PDHX: variants seen among roughly 807,000 people sequenced by gnomAD.
PDHX encodes the protein pyruvate dehydrogenase complex component X, also known as pyruvate dehydrogenase protein X component, mitochondrial.
Under a neutral mutation model 55.3 loss-of-function variants are expected in PDHX, and 33 were observed. The ratio of observed to expected loss-of-function variants is 0.60; its 90% CI spans 0.45 to 0.80. The LOEUF is 0.80. Among genes scored for constraint, PDHX ranks in the 30% least tolerant of loss-of-function variants. The pLI is 0.00. For synonymous variants in PDHX, 226 were observed against 219.4 expected (o/e 1.03, Z -0.27); for missense variants, 622 against 619.9 (o/e 1.00, Z -0.04).
At chr11:34,954,872 T>TG (rs1366602096) in intron 3 of PDHX, among the ~76,000 whole-genome samples, 3 of 152,094 alleles carry the variant, frequency 2.0e-5, no homozygotes, top group Non-Finnish European at 4.4e-5. Flanking sequence ...AAAACAAGCA[T>TG]GGTGAGATAA....
At chr11:34,966,879 T>A (rs973890865) in intron 6 of PDHX, 65 bp downstream of exon 6, 7 of 1,397,570 alleles carry the variant, frequency 5.0e-6, no homozygotes, top group Non-Finnish European at 7.1e-6. Flanking sequence ...TGAGACAGAG[T>A]CTTGCACTGT....
intron 2 of PDHX, among the ~76,000 whole-genome samples, chr11:34,934,368 T>C (rs1013885740): frequency 1.3e-5 from 2 of 152,116 alleles, no homozygotes; most frequent in African/African-American, 4.8e-5. Context: ...AAAGCTAGAC[T>C]GAGGAATTCT....
In PDHX at chr11:34,957,473, CA is replaced by C; in HGVS notation, c.435del (p.Asp146ThrfsTer2). ...AAGATTGGAAACATGTTGAAATTCC[CA>C]AAGACGTAGGTCCTCCACCACCAGT... is the stretch of plus-strand genomic sequence containing the variant. ...GEDWKHVEIP[K>X]DVGPPPPVSK... On this transcript the variant is annotated frameshift_variant, in exon 4 of 11. Transcript: ENST00000227868. LOFTEE classifies it high-confidence loss of function. 1 of 1,613,778 alleles carries C rather than the reference CA, an allele frequency of 6.2e-7. No homozygotes were observed.
At chr11:34,971,160 AG>A (rs1855250030) in intron 7 of PDHX, among the ~76,000 whole-genome samples, 1 of 152,158 alleles carries the variant, frequency 6.6e-6, no homozygotes, top group Non-Finnish European at 1.5e-5. Context: ...TTTCTTGTTC[AG>A]AATGCATTTA....
chr11:34,978,537 G>T (rs1282313241), intron 8 of PDHX, among the ~76,000 whole-genome samples: 1 of 152,050 alleles, frequency 6.6e-6, no homozygotes, highest in Non-Finnish European at 1.5e-5. Flanking sequence ...AAGGATAAGG[G>T]GACAAAGTAA....
intron 7 of PDHX, among the ~76,000 whole-genome samples, chr11:34,972,763 G>A (rs1341079237): frequency 1.3e-5 from 2 of 151,974 alleles, no homozygotes; most frequent in African/African-American, 4.8e-5. Context: ...TTCTTTGATC[G>A]ATGAGTTATT....
At chr11:34,977,809 G>C in intron 7 of PDHX, 1 of 472,974 alleles carries the variant, frequency 2.1e-6, no homozygotes, top group South Asian at 1.5e-5. Context: ...CGAGACATAG[G>C]AGTTAGTTCT....
intron 8 of PDHX, among the ~76,000 whole-genome samples, chr11:34,982,114 C>A (rs997582228): frequency 1.3e-5 from 2 of 152,130 alleles, no homozygotes; most frequent in African/African-American, 4.8e-5. Context: ...AGGTTTTCTT[C>A]TAGGGTTTTT....
chr11:34,945,674 C>T (rs115665813), intron 2 of PDHX, among the ~76,000 whole-genome samples: 28 of 152,026 alleles, frequency 1.8e-4, no homozygotes, highest in South Asian at 4.2e-4. Context: ...TGATAGAATG[C>T]GGTTTCTTTA....
chr11:34,983,813 T>C (rs578129968), intron 8 of PDHX, among the ~76,000 whole-genome samples: 2 of 152,250 alleles, frequency 1.3e-5, no homozygotes, highest in South Asian at 4.1e-4. Context: ...TGGTCATGGG[T>C]AGGAAGAATC....
chr11:34,957,651 A>G (rs1290865443), intron 4 of PDHX, 68 bp downstream of exon 4: 2 of 1,227,306 alleles, frequency 1.6e-6, no homozygotes, highest in East Asian at 2.4e-5. Context: ...TGGAATTGTA[A>G]TCATTATCAT....
At chr11:34,957,708 C>A in intron 4 of PDHX, 125 bp downstream of exon 4, 1 of 740,504 alleles carries the variant, frequency 1.4e-6, no homozygotes, top group Non-Finnish European at 2.3e-6. Context: ...GTTCTCAGCA[C>A]ACTCAGACCT....
intron 2 of PDHX, among the ~76,000 whole-genome samples, chr11:34,934,283 G>T (rs1854252666): frequency 6.6e-6 from 1 of 152,188 alleles, no homozygotes; most frequent in South Asian, 2.1e-4. Context: ...GTTCAAGCCT[G>T]TAGCTCTATC....
chr11:34,976,758 G>A (rs1855386022), intron 7 of PDHX, among the ~76,000 whole-genome samples: 1 of 152,154 alleles, frequency 6.6e-6, no homozygotes, highest in Non-Finnish European at 1.5e-5. Flanking sequence ...GGAGTATGCT[G>A]AATACAGAAT....
chr11:34,938,891 C>G (rs1205700584), intron 2 of PDHX, among the ~76,000 whole-genome samples: 1 of 152,200 alleles, frequency 6.6e-6, no homozygotes, highest in East Asian at 1.9e-4. Flanking sequence ...GAAGGTTGCT[C>G]TTAAAATTCT....
intron 2 of PDHX, among the ~76,000 whole-genome samples, chr11:34,934,946 C>G (rs1414920661): frequency 6.6e-6 from 1 of 151,134 alleles, no homozygotes; most frequent in East Asian, 1.9e-4. Flanking sequence ...AAAAAAAAAT[C>G]TCACCTATAA....
chr11:34,938,941 C>T (rs1177763479), intron 2 of PDHX, among the ~76,000 whole-genome samples: 1 of 152,218 alleles, frequency 6.6e-6, no homozygotes, highest in Non-Finnish European at 1.5e-5. Flanking sequence ...TTTGCCAAAA[C>T]ACAGTAAATA....
chr11:34,916,458 AT>A (rs1158194122), upstream of PDHX: 5 of 1,462,738 alleles, frequency 3.4e-6, no homozygotes, highest in East Asian at 1.0e-4. Flanking sequence ...CGGCTGAGAT[AT>A]CCAGCGGCGC....
At chr11:34,936,562 A>G (rs990447663) in intron 2 of PDHX, among the ~76,000 whole-genome samples, 1 of 152,128 alleles carries the variant, frequency 6.6e-6, no homozygotes, top group African/African-American at 2.4e-5. Context: ...AGCTAGAAAA[A>G]CATGGGTAAA....
Sources: gnomAD v4.1 joint callset for allele counts (sites outside exome capture counted in the v4.1 genomes callset) on GRCh38, gnomAD v4.1.1 for gene constraint, MANE v1.5 for transcripts, NCBI Gene and HGNC (gene_info 2026-07-23, HGNC 2026-07-21) for gene names.